NEMF: variants seen among roughly 807,000 people sequenced by gnomAD.
NEMF encodes ribosome quality control complex subunit NEMF.
In NEMF, 89 loss-of-function variants were observed where a neutral mutation model predicts 162.2. The observed-to-expected ratio is 0.55, with a 90% CI of 0.46 to 0.65. The LOEUF is 0.65. Ranked by LOEUF, NEMF falls within the 30% of genes least tolerant of loss-of-function variation. The pLI, the probability that NEMF is intolerant of heterozygous loss-of-function variation, is 0.00. For synonymous variants in NEMF, 421 were observed against 404.5 expected (o/e 1.04, Z -0.49); for missense variants, 1,133 against 1,261.9 (o/e 0.90, Z 1.55).
intron 32 of NEMF, 90 bp from the exon 33 acceptor site, chr14:49,784,803 T>C: frequency 7.1e-7 from 1 of 1,418,100 alleles, no homozygotes; most frequent in Non-Finnish European, 9.9e-7. Flanking sequence ...TTCCAAACTT[T>C]TAGCTGAGAT....
chr14:49,822,275 A>G (rs1241859418), intron 16 of NEMF, among the ~76,000 whole-genome samples: 5 of 150,828 alleles, frequency 3.3e-5, no homozygotes, highest in Admixed American at 3.3e-4. Context: ...GAAACACCCA[A>G]GAATGATCAA....
chr14:49,783,245 T>C lies in NEMF; in HGVS notation c.*1391A>G. ...TCAGGATATGTATCTGTAGAAACAT[T>C]ATAGTCTTACCATCATCAAAATGCT... On this transcript the variant is annotated 3_prime_UTR_variant, in exon 33 of 33. Transcript: ENST00000298310. The C allele has an allele frequency of 4.4e-6, 1 of 228,482 alleles. No individual in the cohort carries two copies. Among genetic ancestry groups the C allele is most frequent in the Non-Finnish European group, 8.4e-6 (1 of 118,936 alleles). 14.2% of individuals were successfully genotyped at this position (228,482 alleles called of 1,614,324 possible).
At chr14:49,824,326 C>T (rs997069240) in intron 16 of NEMF, among the ~76,000 whole-genome samples, 1 of 151,874 alleles carries the variant, frequency 6.6e-6, no homozygotes, top group African/African-American at 2.4e-5. Flanking sequence ...GGGTGGAACA[C>T]GAGGTCAGGA....
Position 49,789,272 on chromosome 14 carries a change from C to G in NEMF, c.2769G>C (p.Lys923Asn), listed in dbSNP as rs746145546. 6.2e-7 allele frequency: 1 copy of G among 1,614,140 alleles called. No individual in the cohort carries two copies. The highest frequency in any genetic ancestry group is 2.2e-5 in the East Asian group (1 of 44,882). The change falls in exon 28 of 33, where the codon AAG becomes AAC. Residue 923 changes from lysine to asparagine, a missense_variant. Physicochemically the swap from Lys to Asn is moderately conservative, Grantham distance 94. Coordinates refer to ENST00000298310, the MANE Select transcript of NEMF (RefSeq NM_004713.6). Reference protein sequence around the residue: ...KKGKTKDEPVKKQPQKPRGGQ... With the variant: ...KKGKTKDEPVNKQPQKPRGGQ... Reference sequence around the variant, plus strand: ...CACCTCTAGGTTTCTGGGGCTGTTTCTTCACAGGTTCGTCCTTTGTTTTTC... The same window carrying G: ...CACCTCTAGGTTTCTGGGGCTGTTTGTTCACAGGTTCGTCCTTTGTTTTTC...
intron 8 of NEMF, among the ~76,000 whole-genome samples, chr14:49,833,001 C>T (rs1892719290): frequency 6.6e-6 from 1 of 152,150 alleles, no homozygotes; most frequent in Admixed American, 6.5e-5. Flanking sequence ...TGCAGTGGCC[C>T]ATGTCTATAA....
At chr14:49,810,049 C>G (rs1891399209) in intron 18 of NEMF, among the ~76,000 whole-genome samples, 1 of 151,600 alleles carries the variant, frequency 6.6e-6, no homozygotes, top group African/African-American at 2.4e-5. Flanking sequence ...TGTTGTGAAC[C>G]TAAAACTGGT....
rs1197177188 is a variant in NEMF, at chr14:49,783,661, C to T, written c.*975G>A. The T allele has an allele frequency of 1.3e-5, 2 of 151,928 alleles. No homozygotes were observed. Among genetic ancestry groups the T allele is most frequent in the Non-Finnish European group, 2.9e-5 (2 of 68,002 alleles). 9.4% of individuals were successfully genotyped at this position (151,928 alleles called of 1,614,324 possible). A position where few individuals can be genotyped will look rare whatever the true frequency, so the allele number is the denominator to read the frequency against. ...TTAGTGGTAAGCCTAAAATGCGCTT[C>T]TGGTATTATAGGTTAAGATACTCTA... On this transcript the variant is annotated 3_prime_UTR_variant, in exon 33 of 33. Transcript: ENST00000298310.
Position 49,789,476 on chromosome 14 carries a change from T to G in NEMF, c.2697+20A>C. 6.2e-7 allele frequency: 1 copy of G among 1,610,936 alleles called. No individual in the cohort carries two copies. ...CCCATTTGAAAAGCAAAAGAAAAAA[T>G]GTTTTTAGATGTTATTTACCCCCAG... On this transcript the variant is annotated intron_variant, in intron 27 of 32. Transcript: ENST00000298310.
chr14:49,797,815 T>A (rs1594738041), intron 25 of NEMF, among the ~76,000 whole-genome samples: 1 of 152,224 alleles, frequency 6.6e-6, no homozygotes, highest in Non-Finnish European at 1.5e-5. Context: ...TCAAATAACA[T>A]CATTTCATTC....
chr14:49,849,773 T>A (rs1893682441), intron 3 of NEMF: 1 of 152,224 alleles, frequency 6.6e-6, no homozygotes, highest in African/African-American at 2.4e-5. Context: ...ATACATATTA[T>A]TCATCTGCCT....
intron 18 of NEMF, among the ~76,000 whole-genome samples, chr14:49,813,565 T>A (rs1891577346): frequency 6.6e-6 from 1 of 152,226 alleles, no homozygotes; most frequent in South Asian, 2.1e-4. Context: ...GTTTGCTTTA[T>A]GCATTCTAGG....
chr14:49,845,148 A>G (rs1379543497), intron 4 of NEMF, among the ~76,000 whole-genome samples: 3 of 151,428 alleles, frequency 2.0e-5, no homozygotes, highest in African/African-American at 7.3e-5. Context: ...GCTGGAGCAC[A>G]GTGACACAAT....
At chr14:49,798,302 T>C (rs1280862728) in intron 25 of NEMF, among the ~76,000 whole-genome samples, 1 of 152,224 alleles carries the variant, frequency 6.6e-6, no homozygotes, top group Non-Finnish European at 1.5e-5. Context: ...CTCTATAGTT[T>C]TCACTTTGCA....
chr14:49,846,072 T>C (rs1379547927), intron 4 of NEMF, 68 bp downstream of exon 4: 1 of 1,372,534 alleles, frequency 7.3e-7, no homozygotes, highest in East Asian at 2.3e-5. Flanking sequence ...CCACTCATGT[T>C]ATATAGCACT....
intron 16 of NEMF, among the ~76,000 whole-genome samples, chr14:49,823,331 A>G (rs1892178396): frequency 6.6e-6 from 1 of 151,994 alleles, no homozygotes; most frequent in Non-Finnish European, 1.5e-5. Context: ...AATTTAATAC[A>G]TCAAAACTAT....
chr14:49,800,378 T>C, intron 23 of NEMF, 42 bp downstream of exon 23: 1 of 1,412,700 alleles, frequency 7.1e-7, no homozygotes, highest in South Asian at 1.3e-5. Context: ...ATCATCATTC[T>C]CAGCTTACAC....
chr14:49,800,456 T>A lies in NEMF; in HGVS notation c.2336A>T (p.Asp779Val), dbSNP rs775212690. Residue 779 changes from aspartate to valine, a missense_variant, in exon 23 of 33, where the codon GAT (aspartate) becomes GTT (valine). By Grantham distance (152) the Asp-to-Val change is radical. Transcript: ENST00000298310. ...AAGGTGAGACAAGTCAATGGTAGTA[T>A]CAGGATAATTTAATGTCTCTTCCCC... ...DEGEETLNYP[D>V]TTIDLSHLQP... 2 of 1,613,790 alleles carry A rather than the reference T, an allele frequency of 1.2e-6. No homozygotes were observed. The highest frequency in any genetic ancestry group is 2.2e-5 in the East Asian group (1 of 44,870).
At chr14:49,799,772 T>C in intron 23 of NEMF, 94 bp from the exon 24 acceptor site, 3 of 1,040,922 alleles carry the variant, frequency 2.9e-6, no homozygotes, top group Non-Finnish European at 2.8e-6. Flanking sequence ...TCTTAAGTAC[T>C]GGCAATCCAA....
intron 30 of NEMF, 30 bp from the exon 31 acceptor site, chr14:49,785,165 A>G (rs1357181229): frequency 4.4e-6 from 7 of 1,601,254 alleles, no homozygotes; most frequent in Non-Finnish European, 6.0e-6. Flanking sequence ...GTGTTACTAA[A>G]TAGACGTTAC....
Sources: gnomAD v4.1 joint callset for allele counts (sites outside exome capture counted in the v4.1 genomes callset) on GRCh38, gnomAD v4.1.1 for gene constraint, MANE v1.5 for transcripts, NCBI Gene and HGNC (gene_info 2026-07-23, HGNC 2026-07-21) for gene names.